NAA60: variants seen among roughly 807,000 people sequenced by gnomAD.
The protein encoded by NAA60 is N-alpha-acetyltransferase 60.
A neutral mutation model predicts 26.1 loss-of-function variants in NAA60; 8 were observed. That is an observed-to-expected ratio of 0.31 (90% CI 0.18 to 0.55). NAA60 has a LOEUF of 0.55. Ranked by LOEUF, NAA60 falls within the 20% of genes least tolerant of loss-of-function variation. The probability of loss-of-function intolerance (pLI) is 0.93; values close to 1 mark genes in which losing one functional copy is unlikely to be tolerated. For synonymous variants in NAA60, 131 were observed against 122.5 expected (o/e 1.07, Z -0.46); for missense variants, 290 against 311.3 (o/e 0.93, Z 0.51).
At position 3,476,294 on chromosome 16, in the gene NAA60, A is replaced by C; in HGVS notation, c.67A>C (p.Ile23Leu). ...VSLRLLCHDD[I>L]DTVKHLCGDW... ...CCTGCGCCTCCTCTGCCACGATGAC[A>C]TAGACACTGTGAAGCACCTGTGTGG... Residue 23 changes from isoleucine (I) to leucine (L), a missense_variant, in exon 3 of 8, where the codon ATA becomes CTA. Transcript: ENST00000407558. 1 of 1,613,748 alleles carries C rather than the reference A, an allele frequency of 6.2e-7. No homozygotes were observed. The highest frequency in any genetic ancestry group is 8.5e-7 in the Non-Finnish European group (1 of 1,179,760).
At position 3,462,398 on chromosome 16, in the gene NAA60, A is replaced by G. The variant is rs1197407062; in HGVS notation, c.-6-13824A>G. Among the ~76,000 whole-genome samples the G allele has an allele frequency of 2.6e-5, 4 of 152,094 alleles. No individual in the cohort carries two copies. In the East Asian group the frequency reaches 5.8e-4, roughly 22 times the overall value. ...TGGGTGTTCTATTGAATGCTGTTCCATTCTTATTTCTTTCTAGAAGATAGC... is the reference window on the plus strand; with the variant it reads ...TGGGTGTTCTATTGAATGCTGTTCCGTTCTTATTTCTTTCTAGAAGATAGC... On this transcript the variant is annotated intron_variant, in intron 2 of 7. Transcript: ENST00000407558.
In NAA60 at chr16:3,484,509, G is replaced by A. The variant is rs2037050915; in HGVS notation, c.573-190G>A. On this transcript the variant is annotated intron_variant, in intron 6 of 7. Coordinates refer to ENST00000407558, the MANE Select transcript of NAA60 (RefSeq NM_001083601.3). ...CTGTCCCCAGACCCCACCCTCTGTT[G>A]TTTTGCACAGCAGAGGCCACTTCGT... 1.6e-5 allele frequency: 11 copies of A among 704,452 alleles called. No individual in the cohort carries two copies. In the South Asian group the frequency reaches 1.9e-4, roughly 12 times the overall value. The allele number at this position is 704,452 out of a possible 1,614,324, so 43.6% of individuals were successfully genotyped here. A position where few individuals can be genotyped will look rare whatever the true frequency, so the allele number is the denominator to read the frequency against.
intron 2 of NAA60, chr16:3,458,135 G>T (rs983968505): frequency 1.0e-5 from 10 of 985,118 alleles, no homozygotes; most frequent in African/African-American, 1.7e-5. Context: ...CCTCCAGGAT[G>T]CGCTGAGCCC....
At chr16:3,448,919 C>CTGTG (rs1248348740) in intron 2 of NAA60, 3 of 183,338 alleles carry the variant, frequency 1.6e-5, no homozygotes, top group African/African-American at 7.1e-5. Flanking sequence ...TGAGATTGGT[C>CTGTG]TGTGTAGCCA....
chr16:3,447,606 A>G (rs2034606551), intron 1 of NAA60: 1 of 985,380 alleles, frequency 1.0e-6, no homozygotes, highest in African/African-American at 1.7e-5. Flanking sequence ...TCTCACCTAC[A>G]CTAAGGGGGC....
chr16:3,465,949 C>T (rs568995409), intron 2 of NAA60, among the ~76,000 whole-genome samples: 13 of 152,276 alleles, frequency 8.5e-5, no homozygotes, highest in African/African-American at 2.9e-4. Context: ...CGTGACAGAA[C>T]GTTCAACCCA....
intron 2 of NAA60, among the ~76,000 whole-genome samples, chr16:3,453,589 G>A (rs1008032123): frequency 6.6e-5 from 10 of 151,914 alleles, no homozygotes; most frequent in African/African-American, 2.2e-4. Context: ...TGTATTTTTA[G>A]TAGAGATGGG....
intron 2 of NAA60, among the ~76,000 whole-genome samples, chr16:3,462,216 A>C (rs1276238111): frequency 6.6e-6 from 1 of 151,836 alleles, no homozygotes; most frequent in South Asian, 2.1e-4. Flanking sequence ...CCAGCAAAGT[A>C]TTGACACTGG....
chr16:3,466,878 GA>G (rs751257088), intron 2 of NAA60, among the ~76,000 whole-genome samples: 194 of 152,296 alleles, frequency 1.3e-3, no homozygotes, highest in Non-Finnish European at 2.3e-3. Flanking sequence ...TGCTGGGACA[GA>G]AAGTGGGGTG....
intron 2 of NAA60, among the ~76,000 whole-genome samples, chr16:3,459,960 ATACT>A (rs1423443888): frequency 6.6e-6 from 1 of 152,220 alleles, no homozygotes. Context: ...ATGATAAAAG[ATACT>A]TACACCTAAA....
In NAA60 at chr16:3,447,406, G is replaced by T. The variant is rs1175589899; in HGVS notation, c.-76-1065G>T. 3.2e-6 allele frequency: 3 copies of T among 928,226 alleles called. No individual in the cohort carries two copies. The African/African-American group carries it at 5.4e-5, about 17-fold the overall frequency. The allele number at this position is 928,226 out of a possible 1,614,324, so 57.5% of individuals were successfully genotyped here. A position where few individuals can be genotyped will look rare whatever the true frequency, so the allele number is the denominator to read the frequency against. On this transcript the variant is annotated intron_variant, in intron 1 of 7. Coordinates refer to ENST00000407558, the MANE Select transcript of NAA60 (RefSeq NM_001083601.3). ...GTGTAATCACTTCAAGGTAAATGGG[G>T]TATCTTCCCTGGCGATGTTTAACAT...
At chr16:3,462,212 A>C (rs527905061) in intron 2 of NAA60, among the ~76,000 whole-genome samples, 9 of 152,182 alleles carry the variant, frequency 5.9e-5, no homozygotes, top group Non-Finnish European at 1.2e-4. Context: ...TTGGCCAGCA[A>C]AGTATTGACA....
intron 2 of NAA60, among the ~76,000 whole-genome samples, chr16:3,469,767 A>C (rs1382895075): frequency 1.3e-5 from 2 of 152,182 alleles, no homozygotes; most frequent in Non-Finnish European, 2.9e-5. Context: ...GAAGATGAGT[A>C]CTTAGTAGAA....
At position 3,470,678 on chromosome 16, in the gene NAA60, G is replaced by C. The variant is rs574113939; in HGVS notation, c.-6-5544G>C. On this transcript the variant is annotated intron_variant, in intron 2 of 7. Transcript: ENST00000407558. Reference sequence around the variant, plus strand: ...GGCAGGGGCCAGTGGGGTTGGGGGGGGCCGCTGGCCCTGCCTTTGGATCAT... The same window carrying C: ...GGCAGGGGCCAGTGGGGTTGGGGGGCGCCGCTGGCCCTGCCTTTGGATCAT... 5.3e-4 allele frequency among the ~76,000 whole-genome samples: 80 copies of C among 152,340 alleles called. No individual in the cohort carries two copies. The South Asian group carries it at 0.013, about 26-fold the overall frequency.
intron 1 of NAA60, among the ~76,000 whole-genome samples, chr16:3,444,167 T>C (rs1219407315): frequency 6.6e-6 from 1 of 152,112 alleles, no homozygotes; most frequent in Non-Finnish European, 1.5e-5. Context: ...CAGGACGTTG[T>C]TCGCCCCCGG....
At chr16:3,460,808 C>G (rs995075995) in intron 2 of NAA60, among the ~76,000 whole-genome samples, 1 of 152,210 alleles carries the variant, frequency 6.6e-6, no homozygotes, top group Non-Finnish European at 1.5e-5. Context: ...GCTGAAAGTC[C>G]TTTGTCTCTT....
Position 3,485,153 on chromosome 16 carries a change from G to A in NAA60, c.*206+92G>A, listed in dbSNP as rs755571744. On this transcript the variant is annotated intron_variant, in intron 7 of 7. Coordinates refer to ENST00000407558, the MANE Select transcript of NAA60 (RefSeq NM_001083601.3). ...GATGGGCACAGAGAACGGCAGAGCCGGAAGGGGCCGTGGGGACTGCAGAGT... is the reference window on the plus strand; with the variant it reads ...GATGGGCACAGAGAACGGCAGAGCCAGAAGGGGCCGTGGGGACTGCAGAGT... 66 of 809,006 alleles carry A rather than the reference G, an allele frequency of 8.2e-5. No homozygotes were observed. The East Asian group carries it at 1.5e-3, about 18-fold the overall frequency. 50.1% of individuals were successfully genotyped at this position (809,006 alleles called of 1,614,324 possible). A position where few individuals can be genotyped will look rare whatever the true frequency, so the allele number is the denominator to read the frequency against.
intron 4 of NAA60, among the ~76,000 whole-genome samples, chr16:3,480,690 G>A (rs1278541055): frequency 6.6e-6 from 1 of 151,992 alleles, no homozygotes; most frequent in Admixed American, 6.6e-5. Context: ...AGATCACGAG[G>A]TCAGGAGTTC....
rs918002431 is a variant in NAA60 at position 3,482,376 on chromosome 16, G to T, written c.241-126G>T. 3 of 743,422 alleles carry T rather than the reference G, an allele frequency of 4.0e-6. No homozygotes were observed. The African/African-American group carries it at 5.2e-5, about 13-fold the overall frequency. 46.1% of individuals were successfully genotyped at this position (743,422 alleles called of 1,614,324 possible). A position where few individuals can be genotyped will look rare whatever the true frequency, so the allele number is the denominator to read the frequency against. On this transcript the variant is annotated intron_variant, in intron 4 of 7. Transcript: ENST00000407558. ...CCCCTCTCCAGTACCTCTTGATTCTGCCCCTCCCAGTCGGTGTCCCTCTGG... is the reference window on the plus strand; with the variant it reads ...CCCCTCTCCAGTACCTCTTGATTCTTCCCCTCCCAGTCGGTGTCCCTCTGG...
Sources: gnomAD v4.1 joint callset for allele counts (sites outside exome capture counted in the v4.1 genomes callset) on GRCh38, gnomAD v4.1.1 for gene constraint, MANE v1.5 for transcripts, NCBI Gene and HGNC (gene_info 2026-07-23, HGNC 2026-07-21) for gene names.